Variants in GRIN2B observed in about 807,000 individuals in gnomAD.
GRIN2B encodes glutamate ionotropic receptor NMDA type subunit 2B, also known as glutamate receptor ionotropic, NMDA 2B.
GRIN2B carries 5 observed loss-of-function variants against 114.5 expected under a neutral mutation model. The ratio of observed to expected loss-of-function variants is 0.04; its 90% CI spans 0.02 to 0.09. The LOEUF (loss-of-function observed/expected upper bound fraction) is 0.09, where lower values mean the gene tolerates loss of function less well. GRIN2B is among the 10% of genes least tolerant of loss of function. The pLI, the probability that GRIN2B is intolerant of heterozygous loss-of-function variation, is 1.00. For synonymous variants in GRIN2B, 787 were observed against 745.1 expected (o/e 1.06, Z -0.92); for missense variants, 1,108 against 1,943.5 (o/e 0.57, Z 8.08).
chr12:13,829,706 G>A (rs1348097093), intron 3 of GRIN2B, among the ~76,000 whole-genome samples: 1 of 152,166 alleles, frequency 6.6e-6, no homozygotes, highest in East Asian at 1.9e-4. Context: ...GGGAAGTCCT[G>A]GGAAGTCCAC....
chr12:13,581,734 A>C (rs922064743), intron 10 of GRIN2B, among the ~76,000 whole-genome samples: 2 of 152,090 alleles, frequency 1.3e-5, no homozygotes, highest in Non-Finnish European at 2.9e-5. Context: ...ACATGGCAAA[A>C]TCCTATCTTT....
intron 3 of GRIN2B, among the ~76,000 whole-genome samples, chr12:13,757,978 G>A (rs1380303392): frequency 1.3e-5 from 2 of 152,188 alleles, no homozygotes; most frequent in East Asian, 3.9e-4. Context: ...CCCAGCGGCT[G>A]GTAGTGCCCC....
intron 3 of GRIN2B, among the ~76,000 whole-genome samples, chr12:13,864,529 A>G (rs1318983118): frequency 3.9e-5 from 6 of 152,220 alleles, no homozygotes; most frequent in Non-Finnish European, 7.3e-5. Flanking sequence ...TTGTGGTGAA[A>G]CTAACTATTC....
chr12:13,741,320 G>A lies in GRIN2B; in HGVS notation c.1010+11997C>T, dbSNP rs909316559. ...GCTGGGATTACAGGCGTGAGCCACC[G>A]CGCCCAGACAGGAAACTCTTTATTA... On this transcript the variant is annotated intron_variant, in intron 4 of 13. Transcript: ENST00000609686. Among the ~76,000 whole-genome samples, 11 of 151,924 alleles carry A rather than the reference G, an allele frequency of 7.2e-5. No homozygotes were observed. The South Asian group carries it at 8.3e-4, about 11-fold the overall frequency.
intron 3 of GRIN2B, among the ~76,000 whole-genome samples, chr12:13,776,831 G>C (rs2136651397): frequency 6.6e-6 from 1 of 152,224 alleles, no homozygotes; most frequent in Admixed American, 6.5e-5. Context: ...ATGGAGGAGA[G>C]GAGACAGGAG....
At position 13,948,932 on chromosome 12, in the gene GRIN2B, C is replaced by T. The variant is rs534654424; in HGVS notation, c.-19+30996G>A. On this transcript the variant is annotated intron_variant, in intron 2 of 13. Coordinates refer to ENST00000609686, the MANE Select transcript of GRIN2B (RefSeq NM_000834.5). ...ACAAACTCACCAGACTACTGCAGACCGCTTTTTCTCTGAAAGAACTAAGTT... is the reference window on the plus strand; with the variant it reads ...ACAAACTCACCAGACTACTGCAGACTGCTTTTTCTCTGAAAGAACTAAGTT... Among the ~76,000 whole-genome samples, 829 of 152,196 alleles carry T rather than the reference C, an allele frequency of 5.4e-3. 7 individuals carry two copies. The highest frequency in any genetic ancestry group is 0.019 in the African/African-American group (787 of 41,526).
Position 13,563,785 on chromosome 12 carries a change from C to G in GRIN2B, c.3453G>C (p.Leu1151=). ...CACTCCGCTCCTTGTAGATGTCGGT[C>G]AGGTCTACGTGCTCCCAGTGGGGTG... is the stretch of plus-strand genomic sequence containing the variant. The part of the protein sequence containing the change: ...ENSPHWEHVD[L]TDIYKERSDD... The change falls in exon 14 of 14, where the codon CTG becomes CTC. Residue 1151 remains leucine, a synonymous_variant. Coordinates refer to ENST00000609686, the MANE Select transcript of GRIN2B (RefSeq NM_000834.5). The G allele has an allele frequency of 1.2e-6, 2 of 1,613,000 alleles. No homozygotes were observed. Among genetic ancestry groups the G allele is most frequent in the Non-Finnish European group, 1.7e-6 (2 of 1,179,588 alleles).
In GRIN2B at chr12:13,558,355, T is replaced by C. The variant is rs1948498774; in HGVS notation, c.*4428A>G. ...GTGTCAAGCAATGACAGGGCCTTTTTAGAGAGATGATGATTGAAAGAATAA... is the reference window on the plus strand; with the variant it reads ...GTGTCAAGCAATGACAGGGCCTTTTCAGAGAGATGATGATTGAAAGAATAA... On this transcript the variant is annotated 3_prime_UTR_variant, in exon 14 of 14. Coordinates refer to ENST00000609686, the MANE Select transcript of GRIN2B (RefSeq NM_000834.5). 6.6e-6 allele frequency: 1 copy of C among 152,068 alleles called. No homozygotes were observed. Among genetic ancestry groups the C allele is most frequent in the South Asian group, 2.1e-4 (1 of 4,820 alleles). 9.4% of individuals were successfully genotyped at this position (152,068 alleles called of 1,614,324 possible).
At chr12:13,835,527 C>T (rs1480045923) in intron 3 of GRIN2B, among the ~76,000 whole-genome samples, 1 of 151,990 alleles carries the variant, frequency 6.6e-6, no homozygotes, top group Admixed American at 6.6e-5. Flanking sequence ...AAAAAACAGG[C>T]ATCAGGAGAA....
chr12:13,935,253 C>G (rs144501471), intron 2 of GRIN2B, among the ~76,000 whole-genome samples: 2 of 152,174 alleles, frequency 1.3e-5, no homozygotes, highest in Non-Finnish European at 2.9e-5. Context: ...TCATACAAAT[C>G]TTGACTATAA....
chr12:13,892,053 T>C (rs1866271217), intron 2 of GRIN2B, among the ~76,000 whole-genome samples: 1 of 152,194 alleles, frequency 6.6e-6, no homozygotes, highest in Non-Finnish European at 1.5e-5. Flanking sequence ...CATTTGATCC[T>C]CATGACAATC....
At chr12:13,878,185 G>A (rs776123795) in intron 2 of GRIN2B, among the ~76,000 whole-genome samples, 31 of 151,818 alleles carry the variant, frequency 2.0e-4, no homozygotes, top group Non-Finnish European at 3.4e-4. Flanking sequence ...GGTGGGTTTC[G>A]CCAATAGACA....
intron 4 of GRIN2B, among the ~76,000 whole-genome samples, chr12:13,726,668 TA>T (rs1862994789): frequency 6.6e-6 from 1 of 151,550 alleles, no homozygotes; most frequent in Non-Finnish European, 1.5e-5. Context: ...TTTTTAAATT[TA>T]CTTTTTTATT....
At chr12:13,679,292 T>C (rs1379791407) in intron 4 of GRIN2B, among the ~76,000 whole-genome samples, 1 of 152,182 alleles carries the variant, frequency 6.6e-6, no homozygotes, top group African/African-American at 2.4e-5. Context: ...GGAATAACTA[T>C]ATAGCCTCTC....
chr12:13,889,524 T>A (rs1866223445), intron 2 of GRIN2B, among the ~76,000 whole-genome samples: 4 of 152,200 alleles, frequency 2.6e-5, no homozygotes. Context: ...TCACAAAACC[T>A]CTGCAAGGTA....
chr12:13,960,526 C>T (rs567846158), intron 2 of GRIN2B, among the ~76,000 whole-genome samples: 35 of 152,096 alleles, frequency 2.3e-4, no homozygotes, highest in African/African-American at 6.5e-4. Flanking sequence ...AGGGGGACTG[C>T]GGAGAGGGTA....
intron 3 of GRIN2B, among the ~76,000 whole-genome samples, chr12:13,812,425 T>C (rs959056200): frequency 6.6e-6 from 1 of 152,194 alleles, no homozygotes; most frequent in Non-Finnish European, 1.5e-5. Context: ...CATTTCCCAC[T>C]ATGTATTCTC....
intron 2 of GRIN2B, among the ~76,000 whole-genome samples, chr12:13,962,085 T>TACACACACACACACAC (rs754107657): frequency 1.4e-3 from 85 of 60,424 alleles, no homozygotes; most frequent in Middle Eastern, 6.8e-3. Context: ...GTCTCTCTCA[T>TACACACACACACACAC]ACATACACAC....
In GRIN2B at chr12:13,547,981, A is replaced by ATTTTTTTTTTTTTTTT. The variant is rs57206826; in HGVS notation, c.*14801_*14802insAAAAAAAAAAAAAAAA. The stretch of plus-strand genomic sequence containing the variant: ...TGTGTATATATATATATATATATAT[A>ATTTTTTTTTTTTTTTT]TTTTTTTTTTTTTTCTGAAAGCTAC... On this transcript the variant is annotated 3_prime_UTR_variant, in exon 14 of 14. Coordinates refer to ENST00000609686, the MANE Select transcript of GRIN2B (RefSeq NM_000834.5). The ATTTTTTTTTTTTTTTT allele has an allele frequency of 4.2e-4, 29 of 68,554 alleles. No homozygotes were observed. Among genetic ancestry groups the ATTTTTTTTTTTTTTTT allele is most frequent in the Non-Finnish European group, 7.0e-4 (24 of 34,368 alleles). The allele number at this position is 68,554 out of a possible 1,614,324, so 4.2% of individuals were successfully genotyped here.
Sources: allele counts gnomAD v4.1 joint callset (sites outside exome capture counted in the v4.1 genomes callset), GRCh38; gene constraint gnomAD v4.1.1; transcripts MANE v1.5; gene names NCBI Gene and HGNC (gene_info 2026-07-23, HGNC 2026-07-21).